MIPOL1: variants seen among roughly 807,000 people sequenced by gnomAD.
MIPOL1 encodes mirror-image polydactyly 1, also known as mirror-image polydactyly gene 1 protein.
MIPOL1 carries 57 observed loss-of-function variants against 60.9 expected under a neutral mutation model. The observed-to-expected ratio is 0.94, with a 90% CI of 0.76 to 1.17. The LOEUF (loss-of-function observed/expected upper bound fraction) is 1.17, where lower values mean the gene tolerates loss of function less well. Among genes scored for constraint, MIPOL1 ranks in the 50% most tolerant of loss-of-function variants. The pLI is 0.00. For missense variants in MIPOL1, 551 were observed against 511.6 expected (o/e 1.08, Z -0.74); for synonymous variants, 179 against 168.8 (o/e 1.06, Z -0.47).
chr14:37,287,591 G>T (rs2084680691), intron 7 of MIPOL1, among the ~76,000 whole-genome samples: 1 of 152,012 alleles, frequency 6.6e-6, no homozygotes, highest in Non-Finnish European at 1.5e-5. Context: ...GCTCATAGTG[G>T]GTGCTATGTA....
intron 11 of MIPOL1, among the ~76,000 whole-genome samples, chr14:37,461,707 G>T (rs754108246): frequency 4.6e-5 from 7 of 152,154 alleles, no homozygotes; most frequent in Non-Finnish European, 1.0e-4. Context: ...AAACAAAGGG[G>T]CTATAGGACC....
intron 11 of MIPOL1, among the ~76,000 whole-genome samples, chr14:37,442,733 A>C (rs958308464): frequency 6.6e-6 from 1 of 151,928 alleles, no homozygotes; most frequent in Non-Finnish European, 1.5e-5. Context: ...AACCTTTACA[A>C]TAGCATCAAA....
At chr14:37,200,664 G>GT (rs559596328) in intron 1 of MIPOL1, among the ~76,000 whole-genome samples, 5,584 of 111,176 alleles carry the variant, frequency 0.05, 252 homozygotes, top group African/African-American at 0.11. Flanking sequence ...TTCCCAGTTA[G>GT]TTTTTTTTTT....
intron 12 of MIPOL1, among the ~76,000 whole-genome samples, chr14:37,524,410 G>A (rs1383980872): frequency 3.3e-5 from 5 of 152,008 alleles, no homozygotes; most frequent in Non-Finnish European, 5.9e-5. Context: ...TCTGATAAAT[G>A]GGAATACCAT....
At chr14:37,331,705 A>G (rs1439947314) in intron 9 of MIPOL1, among the ~76,000 whole-genome samples, 1 of 152,130 alleles carries the variant, frequency 6.6e-6, no homozygotes, top group Non-Finnish European at 1.5e-5. Flanking sequence ...AGATCATGTC[A>G]TCTGCAAAAA....
intron 12 of MIPOL1, among the ~76,000 whole-genome samples, chr14:37,517,094 TGTCA>T (rs974626863): frequency 2.0e-5 from 3 of 152,138 alleles, no homozygotes; most frequent in African/African-American, 7.2e-5. Flanking sequence ...GACCCTCAAC[TGTCA>T]GTAACTAGGT....
chr14:37,444,667 T>C (rs1010743783), intron 11 of MIPOL1, among the ~76,000 whole-genome samples: 2 of 152,080 alleles, frequency 1.3e-5, no homozygotes, highest in African/African-American at 4.8e-5. Context: ...AAAGAGTAAA[T>C]GTATATATAG....
chr14:37,285,473 T>C (rs1294609698), intron 7 of MIPOL1, 26 bp downstream of exon 7: 3 of 1,607,074 alleles, frequency 1.9e-6, no homozygotes, highest in Admixed American at 1.7e-5. Flanking sequence ...AAACTCAGTA[T>C]GATATTAGGA....
chr14:37,448,061 G>T (rs1337510708), intron 11 of MIPOL1, among the ~76,000 whole-genome samples: 1 of 152,018 alleles, frequency 6.6e-6, no homozygotes, highest in African/African-American at 2.4e-5. Context: ...GCTGCAAACT[G>T]GATATGCTCT....
At chr14:37,277,993 G>C (rs940852313) in intron 6 of MIPOL1, 2 of 151,140 alleles carry the variant, frequency 1.3e-5, no homozygotes, top group African/African-American at 4.8e-5. Context: ...TTAATTACAG[G>C]GTTACAAAGC....
chr14:37,529,756 G>A (rs1056540206), intron 12 of MIPOL1, among the ~76,000 whole-genome samples: 1 of 152,150 alleles, frequency 6.6e-6, no homozygotes, highest in Non-Finnish European at 1.5e-5. Flanking sequence ...CAGAGATGAA[G>A]CACAGGTACA....
At chr14:37,536,549 G>A (rs1259425506) in intron 12 of MIPOL1, among the ~76,000 whole-genome samples, 8 of 152,282 alleles carry the variant, frequency 5.3e-5, no homozygotes, top group Admixed American at 2.0e-4. Flanking sequence ...AGAATATGAG[G>A]ATACTTAGAT....
intron 12 of MIPOL1, among the ~76,000 whole-genome samples, chr14:37,528,669 T>A (rs549124052): frequency 6.6e-6 from 1 of 152,314 alleles, no homozygotes; most frequent in South Asian, 2.1e-4. Flanking sequence ...CATAAAGATA[T>A]ATAGTAATAG....
At chr14:37,467,896 A>G (rs1594525369) in intron 11 of MIPOL1, among the ~76,000 whole-genome samples, 3 of 152,018 alleles carry the variant, frequency 2.0e-5, no homozygotes, top group South Asian at 4.2e-4. Context: ...TCTACTAAAA[A>G]TACAAAAATT....
chr14:37,451,201 C>T (rs1284674520), intron 11 of MIPOL1, among the ~76,000 whole-genome samples: 1 of 152,086 alleles, frequency 6.6e-6, no homozygotes, highest in Non-Finnish European at 1.5e-5. Flanking sequence ...CTACTTTGTA[C>T]AAGTTAATCT....
intron 9 of MIPOL1, among the ~76,000 whole-genome samples, chr14:37,357,373 A>G (rs376772519): frequency 2.6e-5 from 4 of 152,054 alleles, no homozygotes; most frequent in Non-Finnish European, 5.9e-5. Flanking sequence ...TGCTCAAGAA[A>G]TGTTCACCCT....
chr14:37,539,632 C>T (rs2095521740), intron 12 of MIPOL1, among the ~76,000 whole-genome samples: 1 of 151,900 alleles, frequency 6.6e-6, no homozygotes, highest in African/African-American at 2.4e-5. Flanking sequence ...AAGTGTTAGC[C>T]TCAAAAAAAG....
At chr14:37,288,748 C>T (rs2084799728) in intron 7 of MIPOL1, among the ~76,000 whole-genome samples, 1 of 151,768 alleles carries the variant, frequency 6.6e-6, no homozygotes, top group Non-Finnish European at 1.5e-5. Context: ...GAGATGGAGG[C>T]TGCAGTGAAC....
chr14:37,414,280 T>A (rs887917134), intron 10 of MIPOL1, among the ~76,000 whole-genome samples: 1 of 152,156 alleles, frequency 6.6e-6, no homozygotes, highest in Non-Finnish European at 1.5e-5. Flanking sequence ...GGCATGAAAC[T>A]AATTTATACA....
Sources: gnomAD v4.1 joint callset for allele counts (sites outside exome capture counted in the v4.1 genomes callset) on GRCh38, gnomAD v4.1.1 for gene constraint, MANE v1.5 for transcripts, NCBI Gene and HGNC (gene_info 2026-07-23, HGNC 2026-07-21) for gene names.